SYN3: variants seen among roughly 807,000 people sequenced by gnomAD.
SYN3 encodes the protein synapsin-3.
SYN3 carries 35 observed loss-of-function variants against 65.8 expected under a neutral mutation model. The ratio of observed to expected loss-of-function variants is 0.53; its 90% CI spans 0.41 to 0.70. The LOEUF (loss-of-function observed/expected upper bound fraction) is 0.70, where lower values mean the gene tolerates loss of function less well. Among genes scored for constraint, SYN3 ranks in the 30% least tolerant of loss-of-function variants. The probability of loss-of-function intolerance (pLI) is 0.00; values close to 1 mark genes in which losing one functional copy is unlikely to be tolerated. For missense variants in SYN3, 680 were observed against 749.0 expected (o/e 0.91, Z 1.08); for synonymous variants, 270 against 292.9 (o/e 0.92, Z 0.80).
At chr22:32,532,981 G>A (rs774932607) in intron 10 of SYN3, among the ~76,000 whole-genome samples, 1 of 151,862 alleles carries the variant, frequency 6.6e-6, no homozygotes, top group Non-Finnish European at 1.5e-5. Context: ...ATGGAGTGGG[G>A]GGGCAGGGAA....
intron 6 of SYN3, among the ~76,000 whole-genome samples, chr22:32,608,214 C>T (rs750819520): frequency 2.6e-5 from 4 of 152,156 alleles, no homozygotes; most frequent in Admixed American, 1.3e-4. Context: ...ATTACAGGCA[C>T]GTGCCACCAC....
At chr22:32,936,492 A>T (rs2050779958) in intron 3 of SYN3, among the ~76,000 whole-genome samples, 2 of 151,854 alleles carry the variant, frequency 1.3e-5, no homozygotes, top group African/African-American at 4.8e-5. Flanking sequence ...GAAAAAATAA[A>T]ACAAACAAAC....
intron 2 of SYN3, among the ~76,000 whole-genome samples, chr22:32,992,923 G>A (rs1354598498): frequency 6.6e-6 from 1 of 152,152 alleles, no homozygotes; most frequent in Non-Finnish European, 1.5e-5. Flanking sequence ...TATCCATTCT[G>A]CCTTCTTCTG....
chr22:32,568,098 C>A (rs960048694), intron 7 of SYN3, among the ~76,000 whole-genome samples: 1 of 152,196 alleles, frequency 6.6e-6, no homozygotes, highest in African/African-American at 2.4e-5. Flanking sequence ...AGTTGACAGG[C>A]AAAAGCACAG....
At chr22:32,630,016 G>C (rs1308727394) in intron 6 of SYN3, 4 of 145,046 alleles carry the variant, frequency 2.8e-5, no homozygotes, top group African/African-American at 1.1e-4. Context: ...ACGGAGTCTC[G>C]CTCTGTTGCC....
At chr22:32,813,366 G>A (rs2046964281) in intron 6 of SYN3, among the ~76,000 whole-genome samples, 1 of 152,100 alleles carries the variant, frequency 6.6e-6, no homozygotes, top group African/African-American at 2.4e-5. Flanking sequence ...GGTCCCTTCT[G>A]GAGGGGACAG....
chr22:32,521,427 A>T (rs1302916386), intron 12 of SYN3, among the ~76,000 whole-genome samples: 1 of 149,460 alleles, frequency 6.7e-6, no homozygotes, highest in African/African-American at 2.5e-5. Flanking sequence ...CTAGATGTTT[A>T]AGCAACACCT....
intron 1 of SYN3, among the ~76,000 whole-genome samples, chr22:33,017,189 C>A (rs1399502883): frequency 6.6e-6 from 1 of 152,200 alleles, no homozygotes; most frequent in African/African-American, 2.4e-5. Context: ...GTGTTCTTGT[C>A]ACCTTTGTCA....
rs528894543 is a variant in SYN3, at chr22:32,895,793, G to A, written c.462-26668C>T. Among the ~76,000 whole-genome samples the A allele has an allele frequency of 3.9e-5, 6 of 152,262 alleles. No homozygotes were observed. In the East Asian group the frequency reaches 9.7e-4, roughly 25 times the overall value. ...CTTAGATGCACGGCTCTGAGTGAGGGGTTCAAAGGGAGCCAGCAGAGTAGA... is the reference window on the plus strand; with the variant it reads ...CTTAGATGCACGGCTCTGAGTGAGGAGTTCAAAGGGAGCCAGCAGAGTAGA... On this transcript the variant is annotated intron_variant, in intron 4 of 13. Transcript: ENST00000358763.
chr22:32,763,067 T>C (rs1209085272), intron 6 of SYN3, among the ~76,000 whole-genome samples: 2 of 152,246 alleles, frequency 1.3e-5, no homozygotes, highest in African/African-American at 4.8e-5. Flanking sequence ...ATGCTTTGAA[T>C]GTATGAACTC....
In SYN3 at chr22:32,528,972, C is replaced by T. The variant is rs1165301669; in HGVS notation, c.1132G>A (p.Val378Met). ...GCCATCAGCTGTCTGTCCTCTTCCA[C>T]ATGCTCTCCAATCAGCGGCATTGAG... ...DSSMPLIGEHVEEDRQLMADL... is the reference protein window; with the variant it reads ...DSSMPLIGEHMEEDRQLMADL... The change falls in exon 11 of 14, where the codon GTG becomes ATG. Residue 378 changes from valine (V) to methionine (M), a missense_variant. Coordinates refer to ENST00000358763, the MANE Select transcript of SYN3 (RefSeq NM_003490.4). The T allele has an allele frequency of 1.2e-6, 2 of 1,613,932 alleles. No individual in the cohort carries two copies. The highest frequency in any genetic ancestry group is 1.7e-6 in the Non-Finnish European group (2 of 1,180,052).
At chr22:32,596,767 C>A in intron 6 of SYN3, 31 bp from the exon 7 acceptor site, 1 of 1,607,308 alleles carries the variant, frequency 6.2e-7, no homozygotes, top group Non-Finnish European at 8.5e-7. Flanking sequence ...TCACTCTTAA[C>A]ATCTCAGAGC....
chr22:33,012,414 T>C (rs909978133), intron 1 of SYN3, among the ~76,000 whole-genome samples: 1 of 152,240 alleles, frequency 6.6e-6, no homozygotes, highest in Admixed American at 6.5e-5. Flanking sequence ...ATTAATTTTA[T>C]GGTTCAATAC....
rs372113841 is a variant in SYN3, at chr22:32,900,659, T to C, written c.461+30731A>G. Among the ~76,000 whole-genome samples the C allele has an allele frequency of 6.7e-4, 102 of 152,330 alleles. 4 individuals are homozygous for C. In the South Asian group the frequency reaches 0.021, roughly 31 times the overall value. On this transcript the variant is annotated intron_variant, in intron 4 of 13. Transcript: ENST00000358763. ...GTAAGCTCTATGAGGCCAAGAACTG[T>C]ATATACTCCTCACTTCATCCCCAGT...
intron 3 of SYN3, among the ~76,000 whole-genome samples, chr22:32,948,597 C>A (rs376126181): frequency 6.6e-6 from 1 of 151,896 alleles, no homozygotes; most frequent in Admixed American, 6.6e-5. Context: ...ATTAGCCGGG[C>A]GTGGTGGCGG....
chr22:32,618,698 T>G lies in SYN3; in HGVS notation c.712-21962A>C, dbSNP rs959455877. 3.3e-5 allele frequency among the ~76,000 whole-genome samples: 5 copies of G among 152,074 alleles called. No individual in the cohort carries two copies. The East Asian group carries it at 9.7e-4, about 29-fold the overall frequency. On this transcript the variant is annotated intron_variant, in intron 6 of 13. Coordinates refer to ENST00000358763, the MANE Select transcript of SYN3 (RefSeq NM_003490.4). ...ACCAGACAATCTCAGGCCCTGGGACTTAGAGACCCCTGGGACAACATCATG... is the reference window on the plus strand; with the variant it reads ...ACCAGACAATCTCAGGCCCTGGGACGTAGAGACCCCTGGGACAACATCATG...
At chr22:32,864,799 T>A (rs1159713654) in intron 6 of SYN3, 116 bp downstream of exon 6, 1 of 909,656 alleles carries the variant, frequency 1.1e-6, no homozygotes, top group African/African-American at 1.6e-5. Context: ...CCTTAGAGTC[T>A]GCGTGGTCAG....
rs1317113625 is a variant in SYN3 at position 32,801,975 on chromosome 22, G to GC, written c.711+62939dup. On this transcript the variant is annotated intron_variant, in intron 6 of 13. Coordinates refer to ENST00000358763, the MANE Select transcript of SYN3 (RefSeq NM_003490.4). This position sits in a 1 kb window ranked among gnomAD's most constrained non-coding sequence, Gnocchi z 4.7. ...GGCAACTTTGGAGAGGCGAGCAGCAGCCCCGGCAGCGGCGGCAGCAGCGGC... is the reference window on the plus strand; with the variant it reads ...GGCAACTTTGGAGAGGCGAGCAGCAGCCCCCGGCAGCGGCGGCAGCAGCGGC... 1 of 1,580,344 alleles carries GC rather than the reference G, an allele frequency of 6.3e-7. No homozygotes were observed. The highest frequency in any genetic ancestry group is 1.1e-5 in the South Asian group (1 of 87,406).
intron 3 of SYN3, among the ~76,000 whole-genome samples, chr22:32,936,403 G>C (rs73881916): frequency 0.027 from 4,068 of 152,252 alleles, 171 homozygotes; most frequent in African/African-American, 0.092. Flanking sequence ...CTGAGTTAAG[G>C]ATACAAAGAT....
Sources: allele counts gnomAD v4.1 joint callset (sites outside exome capture counted in the v4.1 genomes callset), GRCh38; gene constraint gnomAD v4.1.1; non-coding constraint Gnocchi (gnomAD v3.1); transcripts MANE v1.5; gene names NCBI Gene and HGNC (gene_info 2026-07-23, HGNC 2026-07-21).